Variants in PRKRIP1 observed in about 807,000 individuals in gnomAD.
PRKRIP1 encodes PRKR interacting protein 1, also known as PRKR-interacting protein 1.
Under a neutral mutation model 29.3 loss-of-function variants are expected in PRKRIP1, and 29 were observed. The ratio of observed to expected loss-of-function variants is 0.99; its 90% CI spans 0.74 to 1.35. The LOEUF is 1.35. Among genes scored for constraint, PRKRIP1 ranks in the 40% most tolerant of loss-of-function variants. The probability of loss-of-function intolerance (pLI) is 0.00; values close to 1 mark genes in which losing one functional copy is unlikely to be tolerated. For missense variants in PRKRIP1, 247 were observed against 236.8 expected, an observed-to-expected ratio of 1.04 and a Z score of -0.28; for synonymous variants, 90 against 85.1, an observed-to-expected ratio of 1.06 and a Z score of -0.32.
chr7:102,402,499 A>G (rs1256222463), intron 3 of PRKRIP1, among the ~76,000 whole-genome samples: 5 of 152,122 alleles, frequency 3.3e-5, no homozygotes, highest in Admixed American at 2.6e-4. Flanking sequence ...AGAAACTACT[A>G]TCAGAAGAAA....
chr7:102,408,228 G>A (rs1796284443), intron 5 of PRKRIP1, among the ~76,000 whole-genome samples: 1 of 152,096 alleles, frequency 6.6e-6, no homozygotes, highest in Admixed American at 6.6e-5. Context: ...TTTTTAAATT[G>A]GAGAGCAAAA....
intron 2 of PRKRIP1, among the ~76,000 whole-genome samples, chr7:102,398,378 G>C (rs782421127): frequency 6.6e-6 from 1 of 151,874 alleles, no homozygotes. Flanking sequence ...TCCGCCTTCC[G>C]GGTTCAAGCG....
Position 102,399,567 on chromosome 7 carries a change from C to T in PRKRIP1, c.225C>T (p.Gly75=). ...CTACAGGTTCAAGTGCTGGGGCCGGCAGTGGAGAGTTCCACGTGTACAGAC... is the reference window on the plus strand; with the variant it reads ...CTACAGGTTCAAGTGCTGGGGCCGGTAGTGGAGAGTTCCACGTGTACAGAC... ...RDVMGSSAGA[G]SGEFHVYRHL... The change falls in exon 3 of 6, where the codon GGC becomes GGT. Residue 75 remains glycine, a synonymous_variant. Transcript: ENST00000397912. 2 of 1,614,014 alleles carry T rather than the reference C, an allele frequency of 1.2e-6. No individual in the cohort carries two copies. Among genetic ancestry groups the T allele is most frequent in the South Asian group, 2.2e-5 (2 of 91,084 alleles).
chr7:102,409,554 G>A (rs1796322808), intron 5 of PRKRIP1, among the ~76,000 whole-genome samples: 1 of 152,128 alleles, frequency 6.6e-6, no homozygotes, highest in Non-Finnish European at 1.5e-5. Flanking sequence ...CAGGCATGGT[G>A]GTGCACACCT....
In PRKRIP1 at chr7:102,425,049, T is replaced by A. The variant is rs1796797680; in HGVS notation, c.493T>A (p.Ser165Thr). 10 of 1,613,714 alleles carry A rather than the reference T, an allele frequency of 6.2e-6. No individual in the cohort carries two copies. The highest frequency in any genetic ancestry group is 8.5e-6 in the Non-Finnish European group (10 of 1,179,972). Residue 165 changes from serine to threonine, a missense_variant, in exon 6 of 6, where the codon TCT becomes ACT. Ser to Thr is a moderately conservative substitution (Grantham distance 58). Transcript: ENST00000397912. Reference protein sequence around the residue: ...GQPKEQGSSSSAEASGTEEEE... With the variant: ...GQPKEQGSSSTAEASGTEEEE... ...GCCCAAGGAGCAGGGGTCCAGCAGC[T>A]CTGCGGAGGCATCTGGAACAGAGGA...
At chr7:102,414,285 A>G (rs567227313) in intron 5 of PRKRIP1, among the ~76,000 whole-genome samples, 7 of 152,036 alleles carry the variant, frequency 4.6e-5, no homozygotes, top group Non-Finnish European at 7.4e-5. Context: ...CTCAAATATC[A>G]TTTCCTGAAT....
intron 3 of PRKRIP1, among the ~76,000 whole-genome samples, chr7:102,400,518 A>G (rs1796037102): frequency 6.6e-6 from 1 of 152,170 alleles, no homozygotes; most frequent in Non-Finnish European, 1.5e-5. Flanking sequence ...TGTGTGAGAA[A>G]AAAAAACTGG....
chr7:102,412,774 C>G (rs1388795486), intron 5 of PRKRIP1, among the ~76,000 whole-genome samples: 2 of 152,182 alleles, frequency 1.3e-5, no homozygotes, highest in Non-Finnish European at 2.9e-5. Context: ...TCCTAAAAAG[C>G]AGGAGGGGCA....
At chr7:102,407,855 TC>T (rs1554572054) in intron 5 of PRKRIP1, among the ~76,000 whole-genome samples, 1 of 152,130 alleles carries the variant, frequency 6.6e-6, no homozygotes, top group Non-Finnish European at 1.5e-5. Context: ...CGGGGCTACA[TC>T]CCTCCTCGAT....
At chr7:102,401,796 G>A (rs1294440411) in intron 3 of PRKRIP1, among the ~76,000 whole-genome samples, 2 of 152,204 alleles carry the variant, frequency 1.3e-5, no homozygotes, top group African/African-American at 4.8e-5. Flanking sequence ...CCAGCTACTT[G>A]GGAGGCTGAG....
chr7:102,418,910 G>T (rs999693622), intron 5 of PRKRIP1, among the ~76,000 whole-genome samples: 2 of 151,892 alleles, frequency 1.3e-5, no homozygotes, highest in African/African-American at 4.8e-5. Flanking sequence ...CGCCCAAGCT[G>T]GTCTTGAACT....
intron 5 of PRKRIP1, among the ~76,000 whole-genome samples, chr7:102,419,198 G>A (rs1222550209): frequency 6.6e-6 from 1 of 152,084 alleles, no homozygotes; most frequent in Non-Finnish European, 1.5e-5. Context: ...CAGATCACTT[G>A]CGGTCAGGCG....
At position 102,419,845 on chromosome 7, in the gene PRKRIP1, T is replaced by TTGTG. The variant is rs56752508; in HGVS notation, c.458-5121_458-5118dup. On this transcript the variant is annotated intron_variant, in intron 5 of 5. Transcript: ENST00000397912. Reference sequence around the variant, plus strand: ...TGTGTGCTACTGTTTTTTTGTGTTTTTGTGTGTGTGTGTGTGTGTGTGTGT... The same window carrying TTGTG: ...TGTGTGCTACTGTTTTTTTGTGTTTTTGTGTGTGTGTGTGTGTGTGTGTGTGTGT... Among the ~76,000 whole-genome samples, 722 of 142,786 alleles carry TTGTG rather than the reference T, an allele frequency of 5.1e-3. 4 individuals carry two copies. Among genetic ancestry groups the TTGTG allele is most frequent in the African/African-American group, 0.017 (636 of 36,784 alleles). 93.7% of individuals were successfully genotyped at this position (142,786 alleles called of 152,430 possible).
intron 5 of PRKRIP1, among the ~76,000 whole-genome samples, chr7:102,410,687 C>A (rs1267953969): frequency 6.6e-6 from 1 of 152,148 alleles, no homozygotes; most frequent in Non-Finnish European, 1.5e-5. Flanking sequence ...TTCCAGAGTT[C>A]TGAAAAAGTT....
intron 2 of PRKRIP1, among the ~76,000 whole-genome samples, chr7:102,398,783 A>C (rs1352596003): frequency 6.6e-6 from 1 of 152,194 alleles, no homozygotes; most frequent in African/African-American, 2.4e-5. Context: ...CTGCACATAC[A>C]AGTTTTCTTT....
chr7:102,416,106 C>T (rs1382890730), intron 5 of PRKRIP1, among the ~76,000 whole-genome samples: 3 of 152,262 alleles, frequency 2.0e-5, no homozygotes, highest in Admixed American at 2.0e-4. Flanking sequence ...CTAGAAGTCG[C>T]CTTTCCTGCC....
intron 5 of PRKRIP1, among the ~76,000 whole-genome samples, chr7:102,411,582 A>G (rs889764526): frequency 6.6e-6 from 1 of 151,718 alleles, no homozygotes; most frequent in Non-Finnish European, 1.5e-5. Context: ...ATGGGGTTTC[A>G]CTATATTGGC....
chr7:102,396,544 C>G lies in PRKRIP1; in HGVS notation c.126+7C>G, dbSNP rs782492566. The G allele has an allele frequency of 6.2e-7, 1 of 1,605,614 alleles. No homozygotes were observed. Among genetic ancestry groups the G allele is most frequent in the African/African-American group, 1.3e-5 (1 of 74,454 alleles). ...GCGGCTCATGAAGAACCCGGTGAGA[C>G]GAGGCCCAGGCTCCACGGCCCGTCC... On this transcript the variant is annotated splice_region_variant and intron_variant, in intron 1 of 5. Coordinates refer to ENST00000397912, the MANE Select transcript of PRKRIP1 (RefSeq NM_024653.4).
chr7:102,421,528 G>A (rs1554573743), intron 5 of PRKRIP1, among the ~76,000 whole-genome samples: 1 of 152,112 alleles, frequency 6.6e-6, no homozygotes, highest in East Asian at 1.9e-4. Context: ...GCCGGGTGTG[G>A]TGGTTCACGC....
Sources: allele counts gnomAD v4.1 joint callset (sites outside exome capture counted in the v4.1 genomes callset), GRCh38; gene constraint gnomAD v4.1.1; transcripts MANE v1.5; gene names NCBI Gene and HGNC (gene_info 2026-07-23, HGNC 2026-07-21).